Variants in NECAB1 observed in about 807,000 individuals in gnomAD.
NECAB1 encodes N-terminal EF-hand calcium binding protein 1.
In NECAB1, 29 loss-of-function variants were observed where a neutral mutation model predicts 57.5. The observed-to-expected ratio is 0.50, with a 90% confidence interval of 0.38 to 0.69. The LOEUF is 0.69. Ranked by LOEUF, NECAB1 falls within the 30% of genes least tolerant of loss-of-function variation. The probability of loss-of-function intolerance (pLI) is 0.00; values close to 1 mark genes in which losing one functional copy is unlikely to be tolerated. For synonymous variants in NECAB1, 142 were observed against 147.7 expected (o/e 0.96, Z 0.28); for missense variants, 372 against 413.8 (o/e 0.90, Z 0.88).
At chr8:90,943,701 C>T (rs996124758) in intron 10 of NECAB1, among the ~76,000 whole-genome samples, 7 of 152,142 alleles carry the variant, frequency 4.6e-5, no homozygotes, top group African/African-American at 1.7e-4. Flanking sequence ...CAAAATACCT[C>T]CATAAAATAA....
At chr8:90,931,064 T>G (rs1202687278) in intron 8 of NECAB1, among the ~76,000 whole-genome samples, 3 of 152,226 alleles carry the variant, frequency 2.0e-5, no homozygotes, top group African/African-American at 7.2e-5. Context: ...TTCTTTTTTT[T>G]CTAGACTTTT....
intron 7 of NECAB1, among the ~76,000 whole-genome samples, chr8:90,927,204 C>T (rs1228438115): frequency 8.2e-4 from 107 of 131,106 alleles, no homozygotes; most frequent in Admixed American, 9.3e-4. Flanking sequence ...TTTTCTCTCT[C>T]TTTTTTTTTT....
At chr8:90,945,235 T>A (rs555205707) in intron 10 of NECAB1, among the ~76,000 whole-genome samples, 1 of 151,940 alleles carries the variant, frequency 6.6e-6, no homozygotes, top group East Asian at 1.9e-4. Flanking sequence ...ACCCGGCTAA[T>A]TTTTTGTATT....
Position 90,881,140 on chromosome 8 carries a change from T to G in NECAB1, c.357+10T>G. 6.5e-7 allele frequency: 1 copy of G among 1,533,442 alleles called. No homozygotes were observed. Among genetic ancestry groups the G allele is most frequent in the Non-Finnish European group, 8.9e-7 (1 of 1,127,556 alleles). 95.0% of individuals were successfully genotyped at this position (1,533,442 alleles called of 1,614,324 possible). ...GGGCAAAACAAAGAAAGTAAGAAAA[T>G]GTTAATGTTTATTTTCTATAAAAAT... On this transcript the variant is annotated intron_variant, in intron 5 of 12. Coordinates refer to ENST00000417640, the MANE Select transcript of NECAB1 (RefSeq NM_022351.5).
intron 3 of NECAB1, among the ~76,000 whole-genome samples, chr8:90,854,752 G>C (rs542281482): frequency 1.3e-5 from 2 of 152,298 alleles, no homozygotes; most frequent in South Asian, 2.1e-4. Context: ...TGTTTCACTT[G>C]CTATAATCCA....
rs530990348 is a variant in NECAB1 at position 90,923,161 on chromosome 8, T to C, written c.495-2374T>C. 2.5e-4 allele frequency among the ~76,000 whole-genome samples: 38 copies of C among 152,260 alleles called. 1 individual carries two copies. The South Asian group carries it at 7.5e-3, about 30-fold the overall frequency. On this transcript the variant is annotated intron_variant, in intron 6 of 12. Transcript: ENST00000417640. ...AAAATGAGGGTGAAGGTAGGGCTGA[T>C]ATATTGTTGGAAGCTCCACCCAGTG...
intron 3 of NECAB1, among the ~76,000 whole-genome samples, chr8:90,859,941 T>G (rs929420286): frequency 1.4e-4 from 22 of 152,138 alleles, no homozygotes; most frequent in African/African-American, 5.3e-4. Flanking sequence ...CAGGGAAATA[T>G]TCTCTCCTGA....
chr8:90,883,208 A>G (rs1348416138), intron 5 of NECAB1, among the ~76,000 whole-genome samples: 1 of 152,180 alleles, frequency 6.6e-6, no homozygotes, highest in Non-Finnish European at 1.5e-5. Context: ...TTCATATTAT[A>G]CTGTTTAACC....
intron 3 of NECAB1, among the ~76,000 whole-genome samples, chr8:90,827,430 C>T (rs1056449958): frequency 1.3e-5 from 2 of 152,016 alleles, no homozygotes; most frequent in Admixed American, 1.3e-4. Flanking sequence ...TTCCTTATGT[C>T]TGGAGTTGTG....
chr8:90,944,676 T>C lies in NECAB1; in HGVS notation c.860+3778T>C, dbSNP rs561447721. 3.3e-5 allele frequency among the ~76,000 whole-genome samples: 5 copies of C among 152,302 alleles called. No individual in the cohort carries two copies. The East Asian group carries it at 9.6e-4, about 29-fold the overall frequency. ...AAAATAGGATGCTCATTTATGAAGGTAGAGCACAATTAAAATCATGTTCAT... is the reference window on the plus strand; with the variant it reads ...AAAATAGGATGCTCATTTATGAAGGCAGAGCACAATTAAAATCATGTTCAT... On this transcript the variant is annotated intron_variant, in intron 10 of 12. Transcript: ENST00000417640.
intron 5 of NECAB1, among the ~76,000 whole-genome samples, chr8:90,911,314 T>C (rs993806071): frequency 5.3e-5 from 8 of 152,126 alleles, no homozygotes; most frequent in Admixed American, 2.0e-4. Flanking sequence ...GGAAAGATTC[T>C]AGAAAACAAG....
chr8:90,925,466 A>T, intron 6 of NECAB1, 69 bp from the exon 7 acceptor site: 1 of 1,549,354 alleles, frequency 6.5e-7, no homozygotes, highest in Admixed American at 1.9e-5. Context: ...TGACGCATGA[A>T]GATCTCTTCC....
chr8:90,922,510 T>G (rs1810145101), intron 6 of NECAB1, among the ~76,000 whole-genome samples: 1 of 119,498 alleles, frequency 8.4e-6, no homozygotes, highest in Non-Finnish European at 1.9e-5. Flanking sequence ...TTTTTTTTTT[T>G]GAGATGGAGT....
chr8:90,940,912 C>T lies in NECAB1; in HGVS notation c.860+14C>T. Reference sequence around the variant, plus strand: ...TGGATGCTTGCGGTAAGTGCTCCGACTCCTGCACCTTAGGCCTTTGGCAGC... The same window carrying T: ...TGGATGCTTGCGGTAAGTGCTCCGATTCCTGCACCTTAGGCCTTTGGCAGC... On this transcript the variant is annotated intron_variant, in intron 10 of 12. Coordinates refer to ENST00000417640, the MANE Select transcript of NECAB1 (RefSeq NM_022351.5). 6.5e-7 allele frequency: 1 copy of T among 1,539,706 alleles called. No homozygotes were observed. The highest frequency in any genetic ancestry group is 8.8e-7 in the Non-Finnish European group (1 of 1,135,420).
rs558015034 is a variant in NECAB1, at chr8:90,794,529, AATG to A, written c.99+2548_99+2550del. On this transcript the variant is annotated intron_variant, in intron 1 of 12. Transcript: ENST00000417640. ...CACTGGAATAATCAATCATTTAAGA[AATG>A]ATGTAAACTGCTACTGAGAACACTA... is the stretch of plus-strand genomic sequence containing the variant. 3.9e-5 allele frequency among the ~76,000 whole-genome samples: 6 copies of A among 152,274 alleles called. No homozygotes were observed. In the East Asian group the frequency reaches 1.2e-3, roughly 29 times the overall value.
intron 2 of NECAB1, among the ~76,000 whole-genome samples, chr8:90,802,133 G>A (rs1399457804): frequency 2.6e-5 from 4 of 152,182 alleles, no homozygotes; most frequent in Non-Finnish European, 5.9e-5. Context: ...CGCAAGTCTG[G>A]ACTCTCCACA....
chr8:90,900,695 C>T (rs1273554224), intron 5 of NECAB1, among the ~76,000 whole-genome samples: 1 of 152,186 alleles, frequency 6.6e-6, no homozygotes, highest in Non-Finnish European at 1.5e-5. Flanking sequence ...GATTCTTTAT[C>T]TGTTGCCATG....
rs563212474 is a variant in NECAB1 at position 90,795,092 on chromosome 8, C to T, written c.99+3107C>T. Reference sequence around the variant, plus strand: ...ACCACAGGGATTACTATTGCTTTTCCTTTTACACCAATGGACTATCATTTC... The same window carrying T: ...ACCACAGGGATTACTATTGCTTTTCTTTTTACACCAATGGACTATCATTTC... On this transcript the variant is annotated intron_variant, in intron 1 of 12. Coordinates refer to ENST00000417640, the MANE Select transcript of NECAB1 (RefSeq NM_022351.5). Among the ~76,000 whole-genome samples the T allele has an allele frequency of 2.6e-5, 4 of 152,328 alleles. No individual in the cohort carries two copies. In the East Asian group the frequency reaches 7.7e-4, roughly 29 times the overall value.
At chr8:90,798,584 A>G (rs996153206) in intron 1 of NECAB1, among the ~76,000 whole-genome samples, 1 of 152,200 alleles carries the variant, frequency 6.6e-6, no homozygotes, top group Non-Finnish European at 1.5e-5. Flanking sequence ...TTCACTCAGG[A>G]TAATGGCCTC....
Sources: allele counts gnomAD v4.1 joint callset (sites outside exome capture counted in the v4.1 genomes callset), GRCh38; gene constraint gnomAD v4.1.1; transcripts MANE v1.5; gene names NCBI Gene and HGNC (gene_info 2026-07-23, HGNC 2026-07-21).